Variants in BIRC3 observed in about 807,000 individuals in gnomAD.
The protein encoded by BIRC3 is baculoviral IAP repeat containing 3, also known as baculoviral IAP repeat-containing protein 3.
BIRC3 carries 26 observed loss-of-function variants against 59.0 expected under a neutral mutation model. The observed-to-expected ratio is 0.44, with a 90% CI of 0.32 to 0.61. The LOEUF (loss-of-function observed/expected upper bound fraction) is 0.61, where lower values mean the gene tolerates loss of function less well. Ranked by LOEUF, BIRC3 falls within the 20% of genes least tolerant of loss-of-function variation. BIRC3 has a pLI of 0.04. For synonymous variants in BIRC3, 243 were observed against 249.2 expected (o/e 0.98, Z 0.24); for missense variants, 641 against 711.5 (o/e 0.90, Z 1.13).
Position 102,337,388 on chromosome 11 carries a change from CTT to C in BIRC3, c.*287_*288del. 2.5e-6 allele frequency: 1 copy of C among 403,330 alleles called. No individual in the cohort carries two copies. The allele number at this position is 403,330 out of a possible 1,614,324, so 25.0% of individuals were successfully genotyped here. A position where few individuals can be genotyped will look rare whatever the true frequency, so the allele number is the denominator to read the frequency against. On this transcript the variant is annotated 3_prime_UTR_variant, in exon 9 of 9. Transcript: ENST00000263464. The stretch of plus-strand genomic sequence containing the variant: ...TATTGAAATTGTAAGTGAAGTAAAA[CTT>C]AAGATATTTGAGTTAACCTTTAAGA...
rs972897067 is a variant in BIRC3 at position 102,324,020 on chromosome 11, A to C, written c.-490A>C. On this transcript the variant is annotated 5_prime_UTR_variant, in exon 2 of 9. Coordinates refer to ENST00000263464, the MANE Select transcript of BIRC3 (RefSeq NM_001165.5). Reference sequence around the variant, plus strand: ...CTAAATTTCACAATTTCCAAAAAGCAAAATAAACATATTCTGAATATTTTT... The same window carrying C: ...CTAAATTTCACAATTTCCAAAAAGCCAAATAAACATATTCTGAATATTTTT... The C allele has an allele frequency of 4.8e-6, 1 of 207,706 alleles. No individual in the cohort carries two copies. Among genetic ancestry groups the C allele is most frequent in the African/African-American group, 2.3e-5 (1 of 43,932 alleles). 12.9% of individuals were successfully genotyped at this position (207,706 alleles called of 1,614,324 possible). A position where few individuals can be genotyped will look rare whatever the true frequency, so the allele number is the denominator to read the frequency against.
chr11:102,322,595 G>A lies in BIRC3; in HGVS notation c.-1915G>A, dbSNP rs1287875815. On this transcript the variant is annotated 5_prime_UTR_variant, in exon 2 of 9. Coordinates refer to ENST00000263464, the MANE Select transcript of BIRC3 (RefSeq NM_001165.5). Reference sequence around the variant, plus strand: ...ACAAAGAAGATTTTTATAACAATGTGTAAAATTTTTGGCCAGGGAAAGGAA... The same window carrying A: ...ACAAAGAAGATTTTTATAACAATGTATAAAATTTTTGGCCAGGGAAAGGAA... 4 of 205,874 alleles carry A rather than the reference G, an allele frequency of 1.9e-5. No individual in the cohort carries two copies. Among genetic ancestry groups the A allele is most frequent in the Non-Finnish European group, 3.0e-5 (3 of 100,928 alleles). 12.8% of individuals were successfully genotyped at this position (205,874 alleles called of 1,614,324 possible).
At position 102,337,081 on chromosome 11, in the gene BIRC3, A is replaced by C; in HGVS notation, c.1794A>C (p.Thr598=). Residue 598 remains threonine, a synonymous_variant, in exon 9 of 9, where the codon ACA becomes ACC. Transcript: ENST00000263464. ...CPICRSTIKG[T]VRTFLS is the part of the protein sequence containing the mutation. ...TTTGTAGGAGTACAATCAAGGGTAC[A>C]GTTCGTACATTTCTTTCATGAAGAA... 1 of 1,524,170 alleles carries C rather than the reference A, an allele frequency of 6.6e-7. No homozygotes were observed. The highest frequency in any genetic ancestry group is 1.4e-5 in the South Asian group (1 of 73,054). The allele number at this position is 1,524,170 out of a possible 1,614,324, so 94.4% of individuals were successfully genotyped here. A position where few individuals can be genotyped will look rare whatever the true frequency, so the allele number is the denominator to read the frequency against.
intron 6 of BIRC3, among the ~76,000 whole-genome samples, chr11:102,335,256 AAAT>A (rs1442839232): frequency 1.3e-5 from 2 of 152,216 alleles, no homozygotes; most frequent in Admixed American, 1.3e-4. Context: ...ATGAATAAAT[AAAT>A]AATAAAAGAA....
chr11:102,329,434 C>T (rs887835902), intron 5 of BIRC3, among the ~76,000 whole-genome samples: 3 of 152,122 alleles, frequency 2.0e-5, no homozygotes, highest in African/African-American at 7.2e-5. Context: ...TGTACAAGCC[C>T]CTCTACTCCA....
Position 102,319,043 on chromosome 11 carries a change from A to ATTTTT in BIRC3, c.-2674+1486_-2674+1490dup, listed in dbSNP as rs35835532. ...GAGTGGAAAGTGTGGTTGAAAGAGG[A>ATTTTT]TTTTTTTTTTTTTTTTTTGAGACAG... On this transcript the variant is annotated intron_variant, in intron 1 of 8. Coordinates refer to ENST00000263464, the MANE Select transcript of BIRC3 (RefSeq NM_001165.5). 9.1e-5 allele frequency among the ~76,000 whole-genome samples: 12 copies of ATTTTT among 131,602 alleles called. 1 individual carries two copies. The highest frequency in any genetic ancestry group is 2.2e-4 in the East Asian group (1 of 4,454). 86.3% of individuals were successfully genotyped at this position (131,602 alleles called of 152,430 possible).
In BIRC3 at chr11:102,323,234, C is replaced by T. The variant is rs1951048854; in HGVS notation, c.-1276C>T. 1 of 196,526 alleles carries T rather than the reference C, an allele frequency of 5.1e-6. No homozygotes were observed. Among genetic ancestry groups the T allele is most frequent in the Admixed American group, 6.1e-5 (1 of 16,468 alleles). 12.2% of individuals were successfully genotyped at this position (196,526 alleles called of 1,614,324 possible). On this transcript the variant is annotated 5_prime_UTR_variant, in exon 2 of 9. Transcript: ENST00000263464. ...ATCTTTGAAAGGTCTTATTTTACAG[C>T]CATATCTAAATTATCTTAAGAAAAT...
rs1257720352 is a variant in BIRC3 at position 102,336,955 on chromosome 11, A to G, written c.1668A>G (p.Thr556=). The G allele has an allele frequency of 1.2e-6, 2 of 1,604,414 alleles. No homozygotes were observed. Among genetic ancestry groups the G allele is most frequent in the Non-Finnish European group, 1.7e-6 (2 of 1,177,890 alleles). The change falls in exon 9 of 9, where the codon ACA becomes ACG. Residue 556 remains threonine (T), a synonymous_variant. Coordinates refer to ENST00000263464, the MANE Select transcript of BIRC3 (RefSeq NM_001165.5). ...EQLRRLQEER[T]CKVCMDKEVS... is the part of the protein sequence containing the mutation. ...TGCGGAGACTACAAGAAGAAAGAAC[A>G]TGTAAAGTGTGTATGGACAAAGAAG... is the stretch of plus-strand genomic sequence containing the variant.
chr11:102,328,167 C>T (rs772356593), intron 4 of BIRC3, 37 bp downstream of exon 4: 5 of 1,526,720 alleles, frequency 3.3e-6, no homozygotes, highest in Non-Finnish European at 4.5e-6. Flanking sequence ...TGGTTGCCAT[C>T]AGAGAAATTG....
In BIRC3 at chr11:102,337,374, T is replaced by G. The variant is rs1288322014; in HGVS notation, c.*272T>G. On this transcript the variant is annotated 3_prime_UTR_variant, in exon 9 of 9. Coordinates refer to ENST00000263464, the MANE Select transcript of BIRC3 (RefSeq NM_001165.5). ...CAAAATTTCAGCATTATTGAAATTG[T>G]AAGTGAAGTAAAACTTAAGATATTT... is the stretch of plus-strand genomic sequence containing the variant. The G allele has an allele frequency of 7.4e-6, 3 of 402,944 alleles. No individual in the cohort carries two copies. Among genetic ancestry groups the G allele is most frequent in the African/African-American group, 6.2e-5 (3 of 48,630 alleles). The allele number at this position is 402,944 out of a possible 1,614,324, so 25.0% of individuals were successfully genotyped here.
chr11:102,324,155 A>C lies in BIRC3; in HGVS notation c.-355A>C. On this transcript the variant is annotated 5_prime_UTR_variant, in exon 2 of 9. Transcript: ENST00000263464. ...CCACTGAAACATTCTAGTAGCCTGG[A>C]GAAGTTGACCTACCTGTGGAGATGC... 1 of 237,038 alleles carries C rather than the reference A, an allele frequency of 4.2e-6. No individual in the cohort carries two copies. The highest frequency in any genetic ancestry group is 8.3e-6 in the Non-Finnish European group (1 of 120,982). The allele number at this position is 237,038 out of a possible 1,614,324, so 14.7% of individuals were successfully genotyped here. A position where few individuals can be genotyped will look rare whatever the true frequency, so the allele number is the denominator to read the frequency against.
intron 6 of BIRC3, 28 bp from the exon 7 acceptor site, chr11:102,335,938 G>T: frequency 6.3e-7 from 1 of 1,590,422 alleles, no homozygotes; most frequent in South Asian, 1.1e-5. Flanking sequence ...GTTTGAACAT[G>T]TTTATGCTTG....
chr11:102,331,141 G>T lies in BIRC3; in HGVS notation c.1224G>T (p.Glu408Asp), dbSNP rs749826929. 2.5e-6 allele frequency: 4 copies of T among 1,613,718 alleles called. No homozygotes were observed. The highest frequency in any genetic ancestry group is 1.3e-5 in the African/African-American group (1 of 75,002). ...AGAGAAAAATCCTAGCAACTGGAGA[G>T]AATTATAGACTAGTCAATGATCTTG... is the stretch of plus-strand genomic sequence containing the variant. Reference protein sequence around the residue: ...TVQRKILATGENYRLVNDLVL... With the variant: ...TVQRKILATGDNYRLVNDLVL... The change falls in exon 6 of 9, where the codon GAG becomes GAT. Residue 408 changes from glutamate to aspartate, a missense_variant. Glu to Asp is a conservative substitution (Grantham distance 45). This residue lies in a region of BIRC3 where 268 missense variants were observed against 255.7 expected (regional missense o/e 1.05). Coordinates refer to ENST00000263464, the MANE Select transcript of BIRC3 (RefSeq NM_001165.5).
At position 102,337,241 on chromosome 11, in the gene BIRC3, T is replaced by A; in HGVS notation, c.*139T>A. On this transcript the variant is annotated 3_prime_UTR_variant, in exon 9 of 9. Transcript: ENST00000263464. ...AACATTGTTTTGTGTAACATATTTA[T>A]ATATGTATCTAAACCATATGAACAT... The A allele has an allele frequency of 8.7e-6, 5 of 575,972 alleles. No individual in the cohort carries two copies. The highest frequency in any genetic ancestry group is 1.1e-5 in the Non-Finnish European group (4 of 366,576). The allele number at this position is 575,972 out of a possible 1,614,324, so 35.7% of individuals were successfully genotyped here. A position where few individuals can be genotyped will look rare whatever the true frequency, so the allele number is the denominator to read the frequency against.
chr11:102,324,421 C>A lies in BIRC3; in HGVS notation c.-89C>A. 3 of 1,423,004 alleles carry A rather than the reference C, an allele frequency of 2.1e-6. No individual in the cohort carries two copies. Among genetic ancestry groups the A allele is most frequent in the South Asian group, 1.6e-5 (1 of 62,370 alleles). 88.1% of individuals were successfully genotyped at this position (1,423,004 alleles called of 1,614,324 possible). On this transcript the variant is annotated 5_prime_UTR_variant, in exon 2 of 9. Coordinates refer to ENST00000263464, the MANE Select transcript of BIRC3 (RefSeq NM_001165.5). ...AAATTTTTCATTTTGGCTTTTCAGC[C>A]TAGTATTAAAACTGATAAAAGCAAA...
At chr11:102,325,438 A>G (rs768793010) in intron 2 of BIRC3, 28 bp from the exon 3 acceptor site, 14 of 1,604,824 alleles carry the variant, frequency 8.7e-6, no homozygotes, top group South Asian at 6.8e-5. Flanking sequence ...ATGTGTATTC[A>G]TAAGTTTTGG....
chr11:102,336,850 C>T, intron 8 of BIRC3, 49 bp downstream of exon 8: 3 of 1,586,784 alleles, frequency 1.9e-6, no homozygotes, highest in Non-Finnish European at 2.6e-6. Context: ...TCTTTATTTT[C>T]TTAGTTTTTC....
chr11:102,338,990 A>C lies in BIRC3; in HGVS notation c.*1888A>C, dbSNP rs566130441. On this transcript the variant is annotated 3_prime_UTR_variant, in exon 9 of 9. Transcript: ENST00000263464. ...TTGTAAAGAGAACAATTAGGGACCA[A>C]GTGAGGGGAGGAAAGAATCCATCTC... is the stretch of plus-strand genomic sequence containing the variant. 1 of 216,118 alleles carries C rather than the reference A, an allele frequency of 4.6e-6. No individual in the cohort carries two copies. Among genetic ancestry groups the C allele is most frequent in the East Asian group, 6.9e-5 (1 of 14,594 alleles). 13.4% of individuals were successfully genotyped at this position (216,118 alleles called of 1,614,324 possible).
chr11:102,338,277 G>A lies in BIRC3; in HGVS notation c.*1175G>A, dbSNP rs1263515150. On this transcript the variant is annotated 3_prime_UTR_variant, in exon 9 of 9. Coordinates refer to ENST00000263464, the MANE Select transcript of BIRC3 (RefSeq NM_001165.5). ...GAATACTCAGGGGAAGGCAGGCAAA[G>A]GCTAGTCATCTAAACCAGTTCTAGA... 2 of 228,298 alleles carry A rather than the reference G, an allele frequency of 8.8e-6. No individual in the cohort carries two copies. The highest frequency in any genetic ancestry group is 1.7e-5 in the Non-Finnish European group (2 of 115,064). The allele number at this position is 228,298 out of a possible 1,614,324, so 14.1% of individuals were successfully genotyped here.
Sources: allele counts gnomAD v4.1 joint callset (sites outside exome capture counted in the v4.1 genomes callset), GRCh38; gene constraint gnomAD v4.1.1; regional missense constraint gnomAD v4.1.1; transcripts MANE v1.5; gene names NCBI Gene and HGNC (gene_info 2026-07-23, HGNC 2026-07-21).